EXD1: variants seen among roughly 807,000 people sequenced by gnomAD.
The protein encoded by EXD1 is exonuclease 3'-5' domain containing 1, also known as piRNA biogenesis protein EXD1.
Under a neutral mutation model 49.1 loss-of-function variants are expected in EXD1, and 63 were observed. The observed-to-expected ratio is 1.28, with a 90% CI of 1.05 to 1.58. The LOEUF (loss-of-function observed/expected upper bound fraction) is 1.58, where lower values mean the gene tolerates loss of function less well. Among genes scored for constraint, EXD1 ranks in the 40% most tolerant of loss-of-function variants. EXD1 has a pLI of 0.00. For synonymous variants in EXD1, 234 were observed against 239.2 expected (o/e 0.98, Z 0.20); for missense variants, 748 against 666.0 (o/e 1.12, Z -1.36).
intron 7 of EXD1, among the ~76,000 whole-genome samples, chr15:41,202,946 G>A (rs1011459185): frequency 6.7e-6 from 1 of 149,706 alleles, no homozygotes; most frequent in African/African-American, 2.5e-5. Flanking sequence ...GCGAACCCCT[G>A]ATGTTTTCCC....
intron 11 of EXD1, among the ~76,000 whole-genome samples, chr15:41,185,747 C>T (rs188472229): frequency 6.6e-6 from 1 of 152,172 alleles, no homozygotes; most frequent in African/African-American, 2.4e-5. Flanking sequence ...TCTTGAATCC[C>T]TGGGCTCAAG....
intron 9 of EXD1, among the ~76,000 whole-genome samples, chr15:41,194,289 G>T (rs1201170613): frequency 6.6e-6 from 1 of 152,106 alleles, no homozygotes; most frequent in East Asian, 1.9e-4. Flanking sequence ...GGGATTACAG[G>T]TGTGAGCCAC....
At chr15:41,202,256 C>T (rs746696051) in intron 7 of EXD1, among the ~76,000 whole-genome samples, 2 of 151,832 alleles carry the variant, frequency 1.3e-5, no homozygotes, top group African/African-American at 4.8e-5. Flanking sequence ...CTCACTGCAG[C>T]CTCTGCCTCC....
intron 2 of EXD1, among the ~76,000 whole-genome samples, chr15:41,222,910 T>TGAG (rs2047110875): frequency 7.4e-6 from 1 of 135,824 alleles, no homozygotes; most frequent in Non-Finnish European, 1.5e-5. Context: ...CACTCCAGCG[T>TGAG]GAGGACAGAC....
At chr15:41,206,281 C>A (rs919631001) in intron 7 of EXD1, among the ~76,000 whole-genome samples, 1 of 151,824 alleles carries the variant, frequency 6.6e-6, no homozygotes, top group African/African-American at 2.4e-5. Context: ...ACCAGCCTGG[C>A]CAACATGGTA....
intron 6 of EXD1, among the ~76,000 whole-genome samples, chr15:41,215,392 TAAAG>T (rs1250632839): frequency 2.6e-5 from 4 of 152,034 alleles, no homozygotes; most frequent in Non-Finnish European, 5.9e-5. Context: ...AATCTTATAA[TAAAG>T]AAATTTACAG....
In EXD1 at chr15:41,194,930, A is replaced by T. The variant is rs192540691; in HGVS notation, c.720+845T>A. ...GTAACATAAAATTGAACTTTTAGAGATTGCTGCTCAAAAATAATTGGCCAA... is the reference window on the plus strand; with the variant it reads ...GTAACATAAAATTGAACTTTTAGAGTTTGCTGCTCAAAAATAATTGGCCAA... On this transcript the variant is annotated intron_variant, in intron 9 of 11. Transcript: ENST00000458580. Among the ~76,000 whole-genome samples, 1,141 of 152,306 alleles carry T rather than the reference A, an allele frequency of 7.5e-3. 9 individuals are homozygous for T. The highest frequency in any genetic ancestry group is 0.012 in the Non-Finnish European group (790 of 68,018).
In EXD1 at chr15:41,223,075, G is replaced by C. The variant is rs550633259; in HGVS notation, c.134-3177C>G. 2.7e-5 allele frequency among the ~76,000 whole-genome samples: 4 copies of C among 147,684 alleles called. No individual in the cohort carries two copies. The East Asian group carries it at 8.9e-4, about 33-fold the overall frequency. ...AAGTGATCCACCCACTACAGCCTCC[G>C]AATAGCTGAGACTACAGGTGTGAGC... On this transcript the variant is annotated intron_variant, in intron 2 of 11. Coordinates refer to ENST00000458580, the MANE Select transcript of EXD1 (RefSeq NM_001286441.2).
chr15:41,198,657 C>G (rs192426085), intron 7 of EXD1, among the ~76,000 whole-genome samples: 2 of 152,012 alleles, frequency 1.3e-5, no homozygotes, highest in East Asian at 3.9e-4. Context: ...CCACTGCACT[C>G]TAGCCTAGGT....
intron 2 of EXD1, among the ~76,000 whole-genome samples, chr15:41,224,219 T>C (rs966817024): frequency 1.3e-5 from 2 of 152,192 alleles, no homozygotes; most frequent in East Asian, 3.9e-4. Context: ...ATTACAGGCG[T>C]GAGCCACTGC....
intron 7 of EXD1, among the ~76,000 whole-genome samples, chr15:41,197,329 G>T (rs1015214665): frequency 6.6e-6 from 1 of 150,572 alleles, no homozygotes; most frequent in African/African-American, 2.4e-5. Flanking sequence ...CCGGGTTCTC[G>T]CCATTCTCCT....
intron 10 of EXD1, among the ~76,000 whole-genome samples, chr15:41,191,000 A>G (rs1410771922): frequency 6.6e-6 from 1 of 151,840 alleles, no homozygotes; most frequent in Non-Finnish European, 1.5e-5. Context: ...CGCAATGTCC[A>G]CCGCCCCTGC....
intron 11 of EXD1, among the ~76,000 whole-genome samples, chr15:41,186,958 C>T (rs1292559079): frequency 6.7e-6 from 1 of 149,976 alleles, no homozygotes; most frequent in Non-Finnish European, 1.5e-5. Context: ...GATCTCAGCT[C>T]ACCGCAACCT....
At chr15:41,202,166 A>ATAT (rs1555415036) in intron 7 of EXD1, among the ~76,000 whole-genome samples, 36 of 132,642 alleles carry the variant, frequency 2.7e-4, no homozygotes, top group East Asian at 1.6e-3. Flanking sequence ...ATATATATAT[A>ATAT]TTTTTTTTAA....
intron 1 of EXD1, 132 bp from the exon 2 acceptor site, chr15:41,226,760 G>A: frequency 1.4e-6 from 1 of 739,874 alleles, no homozygotes; most frequent in Non-Finnish European, 2.0e-6. Context: ...TTTTTGGAAT[G>A]ATGAGAAAAG....
chr15:41,195,833 A>T lies in EXD1; in HGVS notation c.662T>A (p.Leu221His). The T allele has an allele frequency of 6.2e-7, 1 of 1,613,700 alleles. No individual in the cohort carries two copies. Among genetic ancestry groups the T allele is most frequent in the Non-Finnish European group, 8.5e-7 (1 of 1,179,918 alleles). ...ILKVIHDCRW[L>H]SDCLSHQYGI... ...ATACTGATGAGAGAGGCAATCAGAA[A>T]GCCAACGACAATCATGGATAACCTA... The change falls in exon 9 of 12, where the codon CTT becomes CAT. Residue 221 changes from leucine (L) to histidine (H), a missense_variant. Coordinates refer to ENST00000458580, the MANE Select transcript of EXD1 (RefSeq NM_001286441.2).
At chr15:41,207,405 G>A (rs2046849087) in intron 7 of EXD1, among the ~76,000 whole-genome samples, 1 of 151,912 alleles carries the variant, frequency 6.6e-6, no homozygotes, top group African/African-American at 2.4e-5. Context: ...GGGAGTGGTG[G>A]CACATGCCTG....
chr15:41,219,553 C>T, intron 3 of EXD1: 1 of 295,998 alleles, frequency 3.4e-6, no homozygotes, highest in Non-Finnish European at 6.2e-6. Context: ...TTTTAAGTAG[C>T]TTGCTTAGCA....
Position 41,191,481 on chromosome 15 carries a change from T to G in EXD1, c.825A>C (p.Lys275Asn). Residue 275 changes from lysine (K) to asparagine (N), a missense_variant, in exon 10 of 12, where the codon AAA becomes AAC. Transcript: ENST00000458580. ...SLIKHLQVAP[K>N]YLSFLEKRQK... Reference sequence around the variant, plus strand: ...GTCTCTTTTCTAGAAAGGAGAGATATTTAGGGGCTACTTGAAGGTGTTTGA... The same window carrying G: ...GTCTCTTTTCTAGAAAGGAGAGATAGTTAGGGGCTACTTGAAGGTGTTTGA... 6.2e-7 allele frequency: 1 copy of G among 1,612,742 alleles called. No individual in the cohort carries two copies. Among genetic ancestry groups the G allele is most frequent in the South Asian group, 1.1e-5 (1 of 91,044 alleles).
Sources: gnomAD v4.1 joint callset for allele counts (sites outside exome capture counted in the v4.1 genomes callset) on GRCh38, gnomAD v4.1.1 for gene constraint, MANE v1.5 for transcripts, NCBI Gene and HGNC (gene_info 2026-07-23, HGNC 2026-07-21) for gene names.